FMC1: variants seen among roughly 807,000 people sequenced by gnomAD.
FMC1 encodes protein FMC1 homolog.
Under a neutral mutation model 10.5 loss-of-function variants are expected in FMC1, and 6 were observed. The ratio of observed to expected loss-of-function variants is 0.57; its 90% CI spans 0.31 to 1.12. FMC1 has a LOEUF of 1.12. Among genes scored for constraint, FMC1 ranks in the 50% most tolerant of loss-of-function variants. FMC1 has a pLI of 0.05. For missense variants in FMC1, 146 were observed against 151.7 expected, an observed-to-expected ratio of 0.96 and a Z score of 0.20; for synonymous variants, 59 against 62.1, an observed-to-expected ratio of 0.95 and a Z score of 0.24.
chr7:139,342,712 T>C (rs953917084), intron 1 of FMC1, among the ~76,000 whole-genome samples: 38 of 152,332 alleles, frequency 2.5e-4, no homozygotes, highest in Middle Eastern at 3.4e-3. Context: ...TCCGCCTGCC[T>C]CGGCCTCCCA....
intron 1 of FMC1, among the ~76,000 whole-genome samples, chr7:139,342,992 C>T (rs997777551): frequency 1.3e-5 from 2 of 152,174 alleles, no homozygotes; most frequent in Non-Finnish European, 2.9e-5. Context: ...AGAAGGGATT[C>T]TATTAGGGAG....
upstream of FMC1, chr7:139,340,473 T>A (rs1192541067): frequency 2.5e-6 from 1 of 398,398 alleles, no homozygotes; most frequent in African/African-American, 2.1e-5. Flanking sequence ...CGCAGAAGCG[T>A]GCGCGCGCCC....
intron 1 of FMC1, among the ~76,000 whole-genome samples, chr7:139,343,202 A>G (rs1025017929): frequency 3.3e-5 from 5 of 152,238 alleles, no homozygotes; most frequent in African/African-American, 1.2e-4. Context: ...TTGGGCTTAT[A>G]TATTAATAGA....
chr7:139,340,730 C>T (rs1342312781), upstream of FMC1: 4 of 383,548 alleles, frequency 1.0e-5, no homozygotes, highest in East Asian at 3.8e-5. Context: ...AAGGCATTGG[C>T]CTCCTAAGCC....
At chr7:139,340,686 C>A, upstream of FMC1, 1 of 393,018 alleles carries the variant, frequency 2.5e-6, no homozygotes, top group Non-Finnish European at 4.5e-6. Flanking sequence ...TGTGTGAGCG[C>A]GTCGTTTGCA....
At chr7:139,340,662 A>G (rs891277988), upstream of FMC1, 1 of 395,662 alleles carries the variant, frequency 2.5e-6, no homozygotes, top group Non-Finnish European at 4.5e-6. Context: ...AAAGAGGAAA[A>G]TAGTTGAATA....
rs1799238211 is a variant in FMC1 at position 139,345,673 on chromosome 7, A to G, written c.311A>G (p.His104Arg). The change falls in exon 2 of 2, where the codon CAT (histidine) becomes CGT (arginine). Residue 104 changes from histidine (H) to arginine (R), a missense_variant. Physicochemically the swap from His to Arg is conservative, Grantham distance 29. Coordinates refer to ENST00000297534, the MANE Select transcript of FMC1 (RefSeq NM_197964.5). Reference protein sequence around the residue: ...SAGLVGLKLPHQPGGKGWEP With the variant: ...SAGLVGLKLPRQPGGKGWEP Reference sequence around the variant, plus strand: ...GGCTTGGTGGGTCTCAAGTTGCCCCATCAGCCTGGAGGGAAGGGCTGGGAG... The same window carrying G: ...GGCTTGGTGGGTCTCAAGTTGCCCCGTCAGCCTGGAGGGAAGGGCTGGGAG... 6.2e-7 allele frequency: 1 copy of G among 1,614,186 alleles called. No homozygotes were observed. The highest frequency in any genetic ancestry group is 8.5e-7 in the Non-Finnish European group (1 of 1,180,028).
intron 1 of FMC1, among the ~76,000 whole-genome samples, chr7:139,344,163 T>C (rs936987715): frequency 2.6e-5 from 4 of 152,166 alleles, no homozygotes; most frequent in African/African-American, 9.7e-5. Flanking sequence ...TTGGGGACTT[T>C]GGAATGGATA....
Position 139,345,664 on chromosome 7 carries a change from A to G in FMC1, c.302A>G (p.Lys101Arg), listed in dbSNP as rs771487005. ...VEESAGLVGL[K>R]LPHQPGGKGW... is the part of the protein sequence containing the mutation. ...GAGTCTGCTGGCTTGGTGGGTCTCA[A>G]GTTGCCCCATCAGCCTGGAGGGAAG... Residue 101 changes from lysine to arginine, a missense_variant, in exon 2 of 2, where the codon AAG becomes AGG. Physicochemically the swap from Lys to Arg is conservative, Grantham distance 26. Transcript: ENST00000297534. The G allele has an allele frequency of 6.2e-7, 1 of 1,614,206 alleles. No homozygotes were observed. Among genetic ancestry groups the G allele is most frequent in the Non-Finnish European group, 8.5e-7 (1 of 1,180,040 alleles).
chr7:139,344,730 T>C (rs1300575404), intron 1 of FMC1, among the ~76,000 whole-genome samples: 5 of 135,370 alleles, frequency 3.7e-5, no homozygotes, highest in Non-Finnish European at 7.7e-5. Flanking sequence ...TGAGATGGAG[T>C]CTCCTTCTGT....
chr7:139,345,452 A>G (rs766467355), intron 1 of FMC1, 49 bp from the exon 2 acceptor site: 31 of 1,609,242 alleles, frequency 1.9e-5, no homozygotes, highest in Non-Finnish European at 2.5e-5. Context: ...TTCTCTGTGG[A>G]CCTGTATCTC....
intron 1 of FMC1, 96 bp downstream of exon 1, chr7:139,341,618 T>G (rs1798971452): frequency 6.6e-7 from 1 of 1,520,902 alleles, no homozygotes; most frequent in Non-Finnish European, 8.8e-7. Context: ...ATTCCTGCAT[T>G]TCTGAGGCCA....
intron 1 of FMC1, among the ~76,000 whole-genome samples, chr7:139,342,237 T>C (rs190331506): frequency 3.9e-5 from 6 of 152,224 alleles, no homozygotes; most frequent in Admixed American, 6.5e-5. Context: ...TACAGTAAAG[T>C]ACTGAGGATA....
At chr7:139,344,440 T>C (rs564642186) in intron 1 of FMC1, among the ~76,000 whole-genome samples, 2 of 152,328 alleles carry the variant, frequency 1.3e-5, no homozygotes, top group South Asian at 4.1e-4. Flanking sequence ...GCTATGTAAA[T>C]CGTTGTTATA....
upstream of FMC1, chr7:139,341,166 T>G: frequency 1.5e-6 from 1 of 679,618 alleles, no homozygotes; most frequent in Non-Finnish European, 2.2e-6. Flanking sequence ...TCCTGGTACC[T>G]TCAGTTAACA....
intron 1 of FMC1, 150 bp downstream of exon 1, chr7:139,341,672 C>G (rs1008896773): frequency 7.3e-7 from 1 of 1,369,318 alleles, no homozygotes; most frequent in Non-Finnish European, 9.6e-7. Context: ...AACCCAGGCC[C>G]TAGGCTCCAT....
At chr7:139,344,226 G>A (rs903007401) in intron 1 of FMC1, among the ~76,000 whole-genome samples, 1 of 152,160 alleles carries the variant, frequency 6.6e-6, no homozygotes, top group African/African-American at 2.4e-5. Flanking sequence ...AGATGGATAA[G>A]CAAATTGTAA....
Position 139,341,480 on chromosome 7 carries a change from C to T in FMC1, c.96C>T (p.Thr32=), listed in dbSNP as rs763234210. The stretch of plus-strand genomic sequence containing the variant: ...CCACCGGCCGACCCTATCGCGACAC[C>T]GCGGCCTATCGGTACCTTGTGAAGG... ...SAATGRPYRD[T]AAYRYLVKAF... The change falls in exon 1 of 2, where the codon ACC becomes ACT. Residue 32 remains threonine (T), a synonymous_variant. Transcript: ENST00000297534. The T allele has an allele frequency of 1.9e-5, 31 of 1,613,670 alleles. No homozygotes were observed. The South Asian group carries it at 3.4e-4, about 18-fold the overall frequency.
upstream of FMC1, chr7:139,341,210 T>C: frequency 2.5e-6 from 3 of 1,186,458 alleles, no homozygotes; most frequent in African/African-American, 1.5e-5. Context: ...ACGGCGCCCC[T>C]GGGCCTTCGA....
Sources: allele counts gnomAD v4.1 joint callset (sites outside exome capture counted in the v4.1 genomes callset), GRCh38; gene constraint gnomAD v4.1.1; transcripts MANE v1.5; gene names NCBI Gene and HGNC (gene_info 2026-07-23, HGNC 2026-07-21).